Variants in DTNA observed in about 807,000 individuals in gnomAD.
The protein encoded by DTNA is dystrophin-related protein 3.
Under a neutral mutation model 100.7 loss-of-function variants are expected in DTNA, and 43 were observed. The observed-to-expected ratio is 0.43, with a 90% CI of 0.33 to 0.55. The LOEUF is 0.55. Ranked by LOEUF, DTNA falls within the 20% of genes least tolerant of loss-of-function variation. The pLI, the probability that DTNA is intolerant of heterozygous loss-of-function variation, is 0.04. For missense variants in DTNA, 798 were observed against 953.9 expected (o/e 0.84, Z 2.15); for synonymous variants, 349 against 347.9 (o/e 1.00, Z -0.04).
intron 6 of DTNA, among the ~76,000 whole-genome samples, chr18:34,814,625 A>C (rs966407662): frequency 1.1e-4 from 17 of 151,984 alleles, no homozygotes; most frequent in African/African-American, 4.1e-4. Context: ...CCAGGTGTTC[A>C]AGGTTGCAGT....
At position 34,524,490 on chromosome 18, in the gene DTNA, AAGAAACCC is replaced by A. The variant is rs35937592; in HGVS notation, c.-2+30982_-2+30989del. Among the ~76,000 whole-genome samples the A allele has an allele frequency of 5.0e-3, 768 of 152,272 alleles. 5 individuals carry two copies. Among genetic ancestry groups the A allele is most frequent in the African/African-American group, 0.017 (687 of 41,560 alleles). On this transcript the variant is annotated intron_variant, in intron 1 of 19. Transcript: ENST00000283365. ...AATCTTTTGGAAGTCAGCTCACTTA[AAGAAACCC>A]AGAAAACCACTCTCCTCATGAAACT...
rs568906205 is a variant in DTNA at position 34,587,250 on chromosome 18, T to C, written c.-2+93736T>C. ...ACCCATATGTTTTGCAAGCATGTTA[T>C]ATTGGTTGTTACTGGGGCTTTATAA... On this transcript the variant is annotated intron_variant, in intron 1 of 19. Coordinates refer to the DTNA transcript ENST00000283365. Among the ~76,000 whole-genome samples, 41 of 152,246 alleles carry C rather than the reference T, an allele frequency of 2.7e-4. 1 individual carries two copies. In the South Asian group the frequency reaches 7.5e-3, roughly 28 times the overall value.
chr18:34,499,971 T>A (rs565339174), intron 1 of DTNA, among the ~76,000 whole-genome samples: 1 of 152,324 alleles, frequency 6.6e-6, no homozygotes, highest in South Asian at 2.1e-4. Context: ...TAAATAACTA[T>A]TGAACTCATA....
At chr18:34,697,924 T>A (rs73416450) in intron 1 of DTNA, among the ~76,000 whole-genome samples, 4,153 of 152,270 alleles carry the variant, frequency 0.027, 215 homozygotes, top group African/African-American at 0.095. Flanking sequence ...CAACACTTGC[T>A]GCAAAAGAAC....
chr18:34,601,862 A>C (rs1395312431), intron 1 of DTNA, among the ~76,000 whole-genome samples: 1 of 152,218 alleles, frequency 6.6e-6, no homozygotes, highest in East Asian at 1.9e-4. Context: ...TGGGAAGTGT[A>C]AGGAGACTCC....
At chr18:34,670,455 T>C (rs535770206) in intron 1 of DTNA, among the ~76,000 whole-genome samples, 26 of 152,368 alleles carry the variant, frequency 1.7e-4, no homozygotes, top group African/African-American at 5.5e-4. Flanking sequence ...CTTTGTTCCA[T>C]TGCTGGTGAG....
intron 1 of DTNA, among the ~76,000 whole-genome samples, chr18:34,641,232 A>T (rs1323641214): frequency 6.6e-6 from 1 of 152,216 alleles, no homozygotes; most frequent in Admixed American, 6.5e-5. Flanking sequence ...ACCAAATCCC[A>T]TGCCTAAAAA....
At chr18:34,769,552 A>G (rs1025259045) in intron 3 of DTNA, among the ~76,000 whole-genome samples, 9 of 152,112 alleles carry the variant, frequency 5.9e-5, no homozygotes, top group Non-Finnish European at 1.2e-4. Context: ...CAAAAATACC[A>G]TAAACTGGGT....
chr18:34,514,360 C>A (rs1367960608), intron 1 of DTNA, among the ~76,000 whole-genome samples: 1 of 152,064 alleles, frequency 6.6e-6, no homozygotes, highest in East Asian at 1.9e-4. Context: ...TCTGATTAAT[C>A]AGTCTGGACT....
intron 1 of DTNA, among the ~76,000 whole-genome samples, chr18:34,701,272 G>T (rs552762814): frequency 2.0e-5 from 3 of 152,074 alleles, no homozygotes; most frequent in African/African-American, 7.2e-5. Context: ...CCCAAAAAAG[G>T]TTCTTGTTAA....
At chr18:34,762,461 A>G (rs768725070) in intron 2 of DTNA, among the ~76,000 whole-genome samples, 1 of 152,174 alleles carries the variant, frequency 6.6e-6, no homozygotes, top group East Asian at 1.9e-4. Context: ...CTTGGTTTTA[A>G]TCAATGACTC....
chr18:34,563,204 C>T (rs1377337635), intron 1 of DTNA, among the ~76,000 whole-genome samples: 1 of 152,132 alleles, frequency 6.6e-6, no homozygotes, highest in Non-Finnish European at 1.5e-5. Flanking sequence ...TCCCTGGTTC[C>T]CTACTGGGAA....
intron 1 of DTNA, among the ~76,000 whole-genome samples, chr18:34,587,382 C>T (rs1401252792): frequency 1.3e-5 from 2 of 152,086 alleles, no homozygotes; most frequent in African/African-American, 4.8e-5. Flanking sequence ...CAGTCTCTCT[C>T]TTTCATTTTC....
At chr18:34,846,066 C>T (rs577013593) in intron 13 of DTNA, among the ~76,000 whole-genome samples, 13 of 152,110 alleles carry the variant, frequency 8.5e-5, no homozygotes, top group African/African-American at 1.7e-4. Flanking sequence ...ATTTTGTTTT[C>T]GAGATCTTCT....
At chr18:34,842,328 A>T (rs2096282861) in intron 13 of DTNA, among the ~76,000 whole-genome samples, 1 of 152,224 alleles carries the variant, frequency 6.6e-6, no homozygotes, top group African/African-American at 2.4e-5. Flanking sequence ...TTAATAATCC[A>T]TCTAGTTTAA....
At chr18:34,565,126 A>G (rs1483755560) in intron 1 of DTNA, among the ~76,000 whole-genome samples, 1 of 152,240 alleles carries the variant, frequency 6.6e-6, no homozygotes, top group Non-Finnish European at 1.5e-5. Context: ...AACATTTAAT[A>G]AGAATACAAC....
intron 13 of DTNA, among the ~76,000 whole-genome samples, chr18:34,846,995 T>C (rs2096391218): frequency 6.6e-6 from 1 of 152,172 alleles, no homozygotes; most frequent in Non-Finnish European, 1.5e-5. Context: ...AATATAAGTA[T>C]GTTTATGAAT....
intron 1 of DTNA, among the ~76,000 whole-genome samples, chr18:34,598,507 G>C (rs1329671197): frequency 6.6e-6 from 1 of 152,168 alleles, no homozygotes; most frequent in Non-Finnish European, 1.5e-5. Flanking sequence ...GTGCTACAAA[G>C]AAAGCAGTTG....
chr18:34,603,576 A>T (rs191502997), intron 1 of DTNA, among the ~76,000 whole-genome samples: 2 of 152,280 alleles, frequency 1.3e-5, no homozygotes, highest in Admixed American at 1.3e-4. Context: ...AACAGAAATC[A>T]AACTTTAAAT....
Sources: gnomAD v4.1 joint callset for allele counts (sites outside exome capture counted in the v4.1 genomes callset) on GRCh38, gnomAD v4.1.1 for gene constraint, MANE v1.5 for transcripts, NCBI Gene and HGNC (gene_info 2026-07-23, HGNC 2026-07-21) for gene names.